The following LRRC49 variants were observed in gnomAD, a reference collection of about 807,000 sequenced individuals.
The protein encoded by LRRC49 is leucine-rich repeat-containing protein 49.
Under a neutral mutation model 83.3 loss-of-function variants are expected in LRRC49, and 50 were observed. The ratio of observed to expected loss-of-function variants is 0.60; its 90% CI spans 0.48 to 0.76. The LOEUF is 0.76. LRRC49 is among the 30% of genes least tolerant of loss of function. The pLI is 0.00. For synonymous variants in LRRC49, 286 were observed against 283.3 expected (o/e 1.01, Z -0.10); for missense variants, 704 against 809.1 (o/e 0.87, Z 1.58).
chr15:70,871,874 G>A (rs1007052191), intron 1 of LRRC49, among the ~76,000 whole-genome samples: 2 of 151,466 alleles, frequency 1.3e-5, no homozygotes, highest in African/African-American at 4.9e-5. Flanking sequence ...TTCCTAGACG[G>A]GATGGTGGCC....
intron 11 of LRRC49, among the ~76,000 whole-genome samples, chr15:71,003,112 T>C (rs983479296): frequency 6.6e-6 from 1 of 151,922 alleles, no homozygotes; most frequent in Non-Finnish European, 1.5e-5. Context: ...TAATTTTGTA[T>C]TTTTAGTAGA....
At chr15:70,911,677 T>C (rs1243384690) in intron 6 of LRRC49, 79 bp downstream of exon 6, 10 of 827,344 alleles carry the variant, frequency 1.2e-5, no homozygotes, top group Non-Finnish European at 1.4e-5. Context: ...AGAATCATAC[T>C]CGCATTGAAT....
At chr15:71,023,717 C>A (rs1038193263) in intron 14 of LRRC49, among the ~76,000 whole-genome samples, 8 of 152,200 alleles carry the variant, frequency 5.3e-5, no homozygotes, top group African/African-American at 1.9e-4. Flanking sequence ...TCAGGAGATC[C>A]CCCTTATGAG....
At chr15:70,907,268 G>A (rs890050528) in intron 5 of LRRC49, among the ~76,000 whole-genome samples, 40 of 152,286 alleles carry the variant, frequency 2.6e-4, no homozygotes, top group African/African-American at 9.4e-4. Flanking sequence ...GCTCTGCATT[G>A]CCTTTTGGTC....
In LRRC49 at chr15:70,870,839, C is replaced by T. The variant is rs990219687; in HGVS notation, c.-298-2069C>T. 3.9e-5 allele frequency among the ~76,000 whole-genome samples: 6 copies of T among 152,138 alleles called. No homozygotes were observed. The South Asian group carries it at 1.2e-3, about 31-fold the overall frequency. ...TCAAGGTCATCATCTCAATTTCTTCCCCACTGGGAATCAAATTGTAACTAA... is the reference window on the plus strand; with the variant it reads ...TCAAGGTCATCATCTCAATTTCTTCTCCACTGGGAATCAAATTGTAACTAA... On this transcript the variant is annotated intron_variant, in intron 1 of 16. Transcript: ENST00000544974.
chr15:70,906,177 A>G (rs1055153632), intron 5 of LRRC49, among the ~76,000 whole-genome samples: 1 of 150,736 alleles, frequency 6.6e-6, no homozygotes, highest in East Asian at 2.0e-4. Context: ...GCTCACTGCA[A>G]CCTCTGCCTC....
chr15:70,892,795 C>T, upstream of LRRC49: 2 of 1,611,742 alleles, frequency 1.2e-6, no homozygotes, highest in East Asian at 4.5e-5. Context: ...TAACCCTGAG[C>T]AGGTTGCCTG....
At chr15:71,013,028 A>C in intron 14 of LRRC49, 115 bp downstream of exon 14, 1 of 657,406 alleles carries the variant, frequency 1.5e-6, no homozygotes, top group East Asian at 2.7e-5. Flanking sequence ...TGTATCCTAG[A>C]CTGGCCTATT....
intron 1 of LRRC49, among the ~76,000 whole-genome samples, chr15:70,862,233 C>A (rs1326057458): frequency 1.3e-5 from 2 of 152,094 alleles, no homozygotes; most frequent in Non-Finnish European, 2.9e-5. Flanking sequence ...GTCAGAAATT[C>A]TCAACTTAAG....
intron 14 of LRRC49, among the ~76,000 whole-genome samples, chr15:71,018,260 A>T (rs1461758915): frequency 6.6e-6 from 1 of 152,182 alleles, no homozygotes; most frequent in Non-Finnish European, 1.5e-5. Context: ...GAGGATATAG[A>T]TATGAGGAGT....
chr15:71,038,293 AT>A (rs1567112253), intron 15 of LRRC49, among the ~76,000 whole-genome samples: 1 of 152,142 alleles, frequency 6.6e-6, no homozygotes, highest in Non-Finnish European at 1.5e-5. Context: ...TATACTGTAG[AT>A]GTGAAATGGC....
chr15:71,007,724 T>C (rs940063933), intron 11 of LRRC49, among the ~76,000 whole-genome samples: 5 of 147,074 alleles, frequency 3.4e-5, no homozygotes, highest in African/African-American at 1.2e-4. Flanking sequence ...TATATATATA[T>C]ATATATATAT....
At chr15:71,020,689 T>A (rs1183868635) in intron 14 of LRRC49, among the ~76,000 whole-genome samples, 1 of 152,154 alleles carries the variant, frequency 6.6e-6, no homozygotes, top group Non-Finnish European at 1.5e-5. Context: ...TGAAGGAAAT[T>A]ACCAACCTAG....
intron 9 of LRRC49, among the ~76,000 whole-genome samples, chr15:70,967,541 G>C (rs2036836147): frequency 6.6e-6 from 1 of 152,004 alleles, no homozygotes; most frequent in Admixed American, 6.6e-5. Context: ...CAGAAGAAGG[G>C]GTTTTAGTTT....
At chr15:70,991,600 T>G (rs1381073436) in intron 11 of LRRC49, among the ~76,000 whole-genome samples, 1 of 152,238 alleles carries the variant, frequency 6.6e-6, no homozygotes, top group Non-Finnish European at 1.5e-5. Flanking sequence ...GGAATTTTTT[T>G]CGGATATTTT....
At chr15:70,898,438 A>G (rs892673069) in intron 3 of LRRC49, 7 of 702,158 alleles carry the variant, frequency 1.0e-5, no homozygotes, top group Admixed American at 2.0e-5. Context: ...ATTTGGGAAG[A>G]CAAGGGCTAC....
At position 71,049,817 on chromosome 15, in the gene LRRC49, G is replaced by A. The variant is rs1386789140; in HGVS notation, c.*205G>A. 2 of 503,782 alleles carry A rather than the reference G, an allele frequency of 4.0e-6. No homozygotes were observed. The highest frequency in any genetic ancestry group is 7.0e-6 in the Non-Finnish European group (2 of 287,522). 31.2% of individuals were successfully genotyped at this position (503,782 alleles called of 1,614,324 possible). A position where few individuals can be genotyped will look rare whatever the true frequency, so the allele number is the denominator to read the frequency against. On this transcript the variant is annotated 3_prime_UTR_variant, in exon 16 of 16. Transcript: ENST00000260382. ...GAAAGGAAGGATTAATTGCCTGTAT[G>A]TGAGGACCAAACAACCTTTGGGAAC...
intron 10 of LRRC49, among the ~76,000 whole-genome samples, chr15:70,983,027 G>A (rs919420804): frequency 1.3e-5 from 2 of 152,140 alleles, no homozygotes; most frequent in African/African-American, 2.4e-5. Flanking sequence ...AGAGGGGTCA[G>A]TATCACACTC....
chr15:71,048,879 A>T, intron 15 of LRRC49: 1 of 455,360 alleles, frequency 2.2e-6, no homozygotes, highest in South Asian at 1.6e-5. Context: ...CTAATTGTAC[A>T]CTTCCCCCCA....
Sources: gnomAD v4.1 joint callset for allele counts (sites outside exome capture counted in the v4.1 genomes callset) on GRCh38, gnomAD v4.1.1 for gene constraint, MANE v1.5 for transcripts, NCBI Gene and HGNC (gene_info 2026-07-23, HGNC 2026-07-21) for gene names.